The following ACAD11 variants were observed in gnomAD, a reference collection of about 807,000 sequenced individuals.
The protein encoded by ACAD11 is acyl-CoA dehydrogenase family member 11.
Under a neutral mutation model 102.2 loss-of-function variants are expected in ACAD11, and 83 were observed. That is an observed-to-expected ratio of 0.81 (90% CI 0.68 to 0.97). ACAD11 has a LOEUF of 0.97. ACAD11 is among the 50% of genes least tolerant of loss of function. The probability of loss-of-function intolerance (pLI) is 0.00; values close to 1 mark genes in which losing one functional copy is unlikely to be tolerated. For missense variants in ACAD11, 901 were observed against 951.7 expected (o/e 0.95, Z 0.70); for synonymous variants, 324 against 319.8 (o/e 1.01, Z -0.14).
At chr3:132,630,305 T>C in intron 7 of ACAD11, 132 bp downstream of exon 7, 1 of 1,007,902 alleles carries the variant, frequency 9.9e-7, no homozygotes, top group South Asian at 3.4e-5. Context: ...ATTTTACCTA[T>C]GTCTGATACC....
chr3:132,591,726 C>T (rs1448918833), intron 13 of ACAD11, among the ~76,000 whole-genome samples: 1 of 151,942 alleles, frequency 6.6e-6, no homozygotes, highest in Non-Finnish European at 1.5e-5. Flanking sequence ...CTCGTCTATA[C>T]AAAAAAATTT....
chr3:132,608,707 C>T (rs62291493), intron 11 of ACAD11, among the ~76,000 whole-genome samples: 4,415 of 152,074 alleles, frequency 0.029, 106 homozygotes, highest in Non-Finnish European at 0.048. Context: ...ACTTTAACAC[C>T]CCATTGTCAA....
intron 1 of ACAD11, among the ~76,000 whole-genome samples, chr3:132,653,284 A>T (rs1300354168): frequency 6.6e-6 from 1 of 152,136 alleles, no homozygotes; most frequent in African/African-American, 2.4e-5. Context: ...TCAGCTAATT[A>T]ATTACCTAGG....
intron 17 of ACAD11, among the ~76,000 whole-genome samples, chr3:132,567,354 G>T (rs1208364807): frequency 6.6e-6 from 1 of 151,954 alleles, no homozygotes; most frequent in Admixed American, 6.6e-5. Context: ...GACTCAAACT[G>T]GTAAAATGAT....
At chr3:132,575,117 G>T (rs1937500935) in intron 17 of ACAD11, among the ~76,000 whole-genome samples, 1 of 152,092 alleles carries the variant, frequency 6.6e-6, no homozygotes, top group Non-Finnish European at 1.5e-5. Context: ...AAAGTGCTGG[G>T]ATTACAGGTG....
chr3:132,592,413 A>T lies in ACAD11; in HGVS notation c.1621+10816T>A, dbSNP rs1034471883. On this transcript the variant is annotated intron_variant, in intron 13 of 19. Coordinates refer to ENST00000264990, the MANE Select transcript of ACAD11 (RefSeq NM_032169.5). ...GAAAACAGATGGCTTAGATAAAGTAATTTTGTTTTTAATCCAGACACTGTG... is the reference window on the plus strand; with the variant it reads ...GAAAACAGATGGCTTAGATAAAGTATTTTTGTTTTTAATCCAGACACTGTG... 2.6e-5 allele frequency among the ~76,000 whole-genome samples: 4 copies of T among 152,154 alleles called. No individual in the cohort carries two copies. The East Asian group carries it at 7.7e-4, about 29-fold the overall frequency.
chr3:132,584,588 T>C (rs1420372209), intron 13 of ACAD11, among the ~76,000 whole-genome samples: 5 of 152,224 alleles, frequency 3.3e-5, no homozygotes, highest in Non-Finnish European at 4.4e-5. Flanking sequence ...ATGTGTGAAT[T>C]TGATCCTGTC....
Position 132,578,187 on chromosome 3 carries a change from C to T in ACAD11, c.1774+609G>A, listed in dbSNP as rs185591915. Reference sequence around the variant, plus strand: ...CAGCCTGGCCAACATGGTGAAAGCCCGTCTCTACTAAAAATACAAAAATTA... The same window carrying T: ...CAGCCTGGCCAACATGGTGAAAGCCTGTCTCTACTAAAAATACAAAAATTA... On this transcript the variant is annotated intron_variant, in intron 15 of 19. Transcript: ENST00000264990. 1.1e-3 allele frequency among the ~76,000 whole-genome samples: 166 copies of T among 152,134 alleles called. 1 individual carries two copies. Among genetic ancestry groups the T allele is most frequent in the African/African-American group, 3.8e-3 (157 of 41,482 alleles).
intron 1 of ACAD11, chr3:132,646,543 A>G (rs1235378388): frequency 6.6e-6 from 1 of 152,262 alleles, no homozygotes; most frequent in Non-Finnish European, 1.5e-5. Flanking sequence ...GAAAAAACTA[A>G]AAGCTTCTTG....
chr3:132,576,120 C>G (rs1351347038), intron 16 of ACAD11, among the ~76,000 whole-genome samples, 194 bp from the exon 17 acceptor site: 2 of 152,166 alleles, frequency 1.3e-5, no homozygotes, highest in Non-Finnish European at 1.5e-5. Flanking sequence ...AAAACCACCA[C>G]CATTAAACAT....
At chr3:132,646,900 T>C (rs1188382021) in intron 1 of ACAD11, among the ~76,000 whole-genome samples, 2 of 152,106 alleles carry the variant, frequency 1.3e-5, no homozygotes, top group Non-Finnish European at 2.9e-5. Flanking sequence ...GGGAAATCCA[T>C]AGTGACAGAA....
intron 16 of ACAD11, among the ~76,000 whole-genome samples, chr3:132,576,480 A>G (rs1404152692): frequency 2.0e-5 from 3 of 152,234 alleles, no homozygotes; most frequent in African/African-American, 4.8e-5. Flanking sequence ...TTATGCTTCT[A>G]ACTTATATCT....
At chr3:132,643,180 G>T (rs557298657) in intron 2 of ACAD11, among the ~76,000 whole-genome samples, 1 of 151,950 alleles carries the variant, frequency 6.6e-6, no homozygotes, top group Non-Finnish European at 1.5e-5. Flanking sequence ...TTCCAAGGAA[G>T]CTCAGGTAAG....
intron 11 of ACAD11, among the ~76,000 whole-genome samples, chr3:132,614,863 G>A (rs1939338111): frequency 6.6e-6 from 1 of 152,144 alleles, no homozygotes; most frequent in Non-Finnish European, 1.5e-5. Context: ...CACAGCAAAA[G>A]AAACTATCAC....
At chr3:132,633,793 A>G (rs1940153173) in intron 5 of ACAD11, among the ~76,000 whole-genome samples, 1 of 152,236 alleles carries the variant, frequency 6.6e-6, no homozygotes, top group African/African-American at 2.4e-5. Flanking sequence ...CCTGACAAAA[A>G]CAAGAAATGG....
At chr3:132,641,775 CAG>C (rs1248413878) in intron 4 of ACAD11, among the ~76,000 whole-genome samples, 195 bp downstream of exon 4, 1 of 151,968 alleles carries the variant, frequency 6.6e-6, no homozygotes, top group Non-Finnish European at 1.5e-5. Context: ...GAGTCTAAAA[CAG>C]AAGATTTTGC....
intron 11 of ACAD11, among the ~76,000 whole-genome samples, chr3:132,614,132 C>T (rs1939297150): frequency 6.6e-6 from 1 of 152,100 alleles, no homozygotes. Flanking sequence ...TGAAGGACCT[C>T]TTCAAGGAGA....
intron 11 of ACAD11, among the ~76,000 whole-genome samples, chr3:132,609,977 T>G (rs1216811688): frequency 6.6e-6 from 1 of 152,068 alleles, no homozygotes; most frequent in Admixed American, 6.6e-5. Context: ...GTTCAACATA[T>G]GCAAACCAAT....
At chr3:132,618,888 GTTAT>G (rs1939509779) in intron 10 of ACAD11, 116 bp from the exon 11 acceptor site, 4 of 1,062,458 alleles carry the variant, frequency 3.8e-6, no homozygotes, top group Non-Finnish European at 5.0e-6. Flanking sequence ...CACTTATGGA[GTTAT>G]TTATTTTACT....
Sources: gnomAD v4.1 joint callset for allele counts (sites outside exome capture counted in the v4.1 genomes callset) on GRCh38, gnomAD v4.1.1 for gene constraint, MANE v1.5 for transcripts, NCBI Gene and HGNC (gene_info 2026-07-23, HGNC 2026-07-21) for gene names.